ELOC: variants seen among roughly 807,000 people sequenced by gnomAD.
ELOC encodes elongin-C.
For missense variants in ELOC, 38 were observed against 139.0 expected, an observed-to-expected ratio of 0.27 and a Z score of 3.65; for synonymous variants, 40 against 51.3, an observed-to-expected ratio of 0.78 and a Z score of 0.94.
Position 73,946,411 on chromosome 8 carries a change from TG to T in ELOC, c.*218del. 2.3e-6 allele frequency: 1 copy of T among 434,190 alleles called. No individual in the cohort carries two copies. The highest frequency in any genetic ancestry group is 4.1e-6 in the Non-Finnish European group (1 of 245,498). The allele number at this position is 434,190 out of a possible 1,614,324, so 26.9% of individuals were successfully genotyped here. ...AAAACCACCTACGAATTGGCATATTTGTTTATTTCTCAGTTTGTGAAAATGT... is the reference window on the plus strand; with the variant it reads ...AAAACCACCTACGAATTGGCATATTTTTTATTTCTCAGTTTGTGAAAATGT... On this transcript the variant is annotated 3_prime_UTR_variant, in exon 4 of 4. Coordinates refer to ENST00000520242, the MANE Select transcript of ELOC (RefSeq NM_005648.4).
intron 1 of ELOC, among the ~76,000 whole-genome samples, chr8:73,964,844 T>C (rs531078304): frequency 3.2e-4 from 49 of 152,094 alleles, no homozygotes; most frequent in Middle Eastern, 3.4e-3. Flanking sequence ...GACAACATGG[T>C]GGTGAAACCC....
chr8:73,965,270 A>C (rs1814896649), intron 1 of ELOC, among the ~76,000 whole-genome samples: 1 of 152,158 alleles, frequency 6.6e-6, no homozygotes, highest in African/African-American at 2.4e-5. Context: ...GAAACTCAAA[A>C]CTGCAACGAA....
intron 3 of ELOC, among the ~76,000 whole-genome samples, chr8:73,952,772 GA>G (rs34157631): frequency 8.9e-4 from 123 of 138,924 alleles, no homozygotes; most frequent in Middle Eastern, 7.6e-3. Flanking sequence ...CAGGTGTCTC[GA>G]AAAAAAAAAA....
In ELOC at chr8:73,959,682, T is replaced by A. The variant is rs1188827252; in HGVS notation, c.4+83A>T. ...AATTTCAGTCTACTGAAATTTTACT[T>A]GTGTTCACTGAATTTTAAAGATCTT... is the stretch of plus-strand genomic sequence containing the variant. On this transcript the variant is annotated intron_variant, in intron 2 of 3. Coordinates refer to ENST00000520242, the MANE Select transcript of ELOC (RefSeq NM_005648.4). 3.3e-6 allele frequency: 4 copies of A among 1,229,338 alleles called. No homozygotes were observed. The Admixed American group carries it at 1.0e-4, about 32-fold the overall frequency. The allele number at this position is 1,229,338 out of a possible 1,614,324, so 76.2% of individuals were successfully genotyped here. A position where few individuals can be genotyped will look rare whatever the true frequency, so the allele number is the denominator to read the frequency against.
At chr8:73,954,638 C>G (rs1004632125) in intron 3 of ELOC, among the ~76,000 whole-genome samples, 1 of 128,440 alleles carries the variant, frequency 7.8e-6, no homozygotes, top group African/African-American at 3.0e-5. Context: ...GGCGGCAGAG[C>G]AAGACTCCGT....
chr8:73,948,622 C>T (rs1177228006), intron 3 of ELOC, among the ~76,000 whole-genome samples: 1 of 152,144 alleles, frequency 6.6e-6, no homozygotes, highest in African/African-American at 2.4e-5. Flanking sequence ...TAACTGTTTA[C>T]CTAAAATAAT....
At chr8:73,969,502 T>C (rs1031514866) in intron 1 of ELOC, 1 of 152,242 alleles carries the variant, frequency 6.6e-6, no homozygotes, top group Non-Finnish European at 1.5e-5. Flanking sequence ...TCCTTCACTA[T>C]GCTCCAGTCA....
intron 1 of ELOC, among the ~76,000 whole-genome samples, chr8:73,964,246 C>CAAAAA (rs560289242): frequency 3.7e-5 from 3 of 82,004 alleles, no homozygotes; most frequent in Admixed American, 1.3e-4. Context: ...TATAAATGGC[C>CAAAAA]AAAAAAAAAA....
intron 1 of ELOC, among the ~76,000 whole-genome samples, chr8:73,963,930 G>A (rs922209878): frequency 5.3e-5 from 8 of 151,604 alleles, no homozygotes; most frequent in African/African-American, 1.9e-4. Flanking sequence ...CCGTCTCCAC[G>A]AAAAATACAA....
At chr8:73,946,904 C>G in intron 3 of ELOC, 84 bp from the exon 4 acceptor site, 2 of 1,113,056 alleles carry the variant, frequency 1.8e-6, no homozygotes, top group Non-Finnish European at 2.6e-6. Context: ...CCTTGTACCA[C>G]AGAATGTGGC....
At chr8:73,964,124 T>C (rs1185001957) in intron 1 of ELOC, among the ~76,000 whole-genome samples, 3 of 138,916 alleles carry the variant, frequency 2.2e-5, no homozygotes, top group Non-Finnish European at 4.6e-5. Flanking sequence ...GTATTACATA[T>C]AGTAGTGTGG....
At chr8:73,951,279 A>G (rs1206741881) in intron 3 of ELOC, among the ~76,000 whole-genome samples, 1 of 152,152 alleles carries the variant, frequency 6.6e-6, no homozygotes, top group Non-Finnish European at 1.5e-5. Flanking sequence ...CAAAATGTTA[A>G]TAACTATTGA....
Position 73,959,803 on chromosome 8 carries a change from G to C in ELOC, c.-35C>G, listed in dbSNP as rs1267298145. The stretch of plus-strand genomic sequence containing the variant: ...ATGAAATTCTACTTTGCTTCCCCAG[G>C]AACTTTAGTAGTTTCCTGAAAATAT... On this transcript the variant is annotated 5_prime_UTR_variant, in exon 2 of 4. Coordinates refer to ENST00000520242, the MANE Select transcript of ELOC (RefSeq NM_005648.4). 1 of 1,535,542 alleles carries C rather than the reference G, an allele frequency of 6.5e-7. No homozygotes were observed. The highest frequency in any genetic ancestry group is 2.0e-5 in the Admixed American group (1 of 49,254).
intron 2 of ELOC, 98 bp from the exon 3 acceptor site, chr8:73,956,152 G>A (rs1462618986): frequency 7.8e-6 from 9 of 1,149,914 alleles, no homozygotes; most frequent in South Asian, 1.6e-5. Context: ...TGTAATCCCA[G>A]CACTTTGGCA....
At chr8:73,951,682 A>C (rs116860273) in intron 3 of ELOC, among the ~76,000 whole-genome samples, 12 of 126,092 alleles carry the variant, frequency 9.5e-5, no homozygotes, top group East Asian at 5.2e-4. Flanking sequence ...ACAACAACAA[A>C]ACAACAGACA....
At position 73,945,728 on chromosome 8, in the gene ELOC, CAT is replaced by C. The variant is rs531389296; in HGVS notation, c.*900_*901del. The C allele has an allele frequency of 5.9e-4, 90 of 152,290 alleles. 1 individual carries two copies. The highest frequency in any genetic ancestry group is 6.8e-3 in the Middle Eastern group (2 of 294). The allele number at this position is 152,290 out of a possible 1,614,324, so 9.4% of individuals were successfully genotyped here. ...ATATGATTTTCACTGTATCTCTTCA[CAT>C]GTTATTCCATAACATTCTAATTGGA... On this transcript the variant is annotated 3_prime_UTR_variant, in exon 4 of 4. Coordinates refer to ENST00000520242, the MANE Select transcript of ELOC (RefSeq NM_005648.4).
chr8:73,972,229 C>G (rs958805197), upstream of ELOC: 1 of 152,364 alleles, frequency 6.6e-6, no homozygotes, highest in Non-Finnish European at 1.5e-5. Context: ...TTCGGCGACG[C>G]GCGGGAGATC....
At chr8:73,966,202 G>T (rs1814958161) in intron 1 of ELOC, among the ~76,000 whole-genome samples, 1 of 152,188 alleles carries the variant, frequency 6.6e-6, no homozygotes, top group Non-Finnish European at 1.5e-5. Context: ...CTAATGGGAA[G>T]AATGGTGGGG....
intron 2 of ELOC, among the ~76,000 whole-genome samples, chr8:73,958,732 A>G (rs563497376): frequency 1.3e-5 from 2 of 152,232 alleles, no homozygotes; most frequent in Non-Finnish European, 2.9e-5. Flanking sequence ...TTCTTAAGGT[A>G]AAATTACTCA....
Sources: allele counts gnomAD v4.1 joint callset (sites outside exome capture counted in the v4.1 genomes callset), GRCh38; gene constraint gnomAD v4.1.1; transcripts MANE v1.5; gene names NCBI Gene and HGNC (gene_info 2026-07-23, HGNC 2026-07-21).